POPDC1: variants seen among roughly 807,000 people sequenced by gnomAD.
The protein encoded by POPDC1 is popeye domain-containing protein 1.
the POPDC1 span, among the ~76,000 whole-genome samples, chr6:105,105,996 G>C: frequency 5.8e-4 from 88 of 152,184 alleles, no homozygotes; most frequent in Middle Eastern, 3.4e-3. Context: ...TTGATTCTTA[G>C]TTTTCTATTA....
At chr6:105,103,012 G>C in the POPDC1 span, among the ~76,000 whole-genome samples, 1 of 152,252 alleles carries the variant, frequency 6.6e-6, no homozygotes, top group Admixed American at 6.5e-5. Flanking sequence ...ACAGGGCACA[G>C]CATGGGAAGT....
chr6:105,119,654 G>A, the POPDC1 span, among the ~76,000 whole-genome samples: 4 of 152,184 alleles, frequency 2.6e-5, no homozygotes, highest in African/African-American at 9.7e-5. Flanking sequence ...GTGCAAAGAT[G>A]TCACCCAGGA....
At chr6:105,127,967 C>T in the POPDC1 span, among the ~76,000 whole-genome samples, 1 of 152,198 alleles carries the variant, frequency 6.6e-6, no homozygotes, top group Non-Finnish European at 1.5e-5. Context: ...GCCATGTTGG[C>T]CAGACTGGTC....
chr6:105,104,187 A>C, the POPDC1 span, among the ~76,000 whole-genome samples: 1 of 151,678 alleles, frequency 6.6e-6, no homozygotes. Context: ...ATCTCTAACC[A>C]CCAAATTCCC....
the POPDC1 span, among the ~76,000 whole-genome samples, chr6:105,102,505 G>A: frequency 6.6e-6 from 1 of 152,308 alleles, no homozygotes; most frequent in Admixed American, 6.5e-5. Context: ...CCTGGCCCCT[G>A]GTATGGCACA....
chr6:105,133,586 T>G, the POPDC1 span: 2 of 1,563,876 alleles, frequency 1.3e-6, no homozygotes. Context: ...ATTTTGAAAA[T>G]TCCTGTAAAA....
At chr6:105,114,740 T>C in the POPDC1 span, among the ~76,000 whole-genome samples, 7 of 152,360 alleles carry the variant, frequency 4.6e-5, no homozygotes, top group Admixed American at 3.9e-4. Flanking sequence ...GTTATTTGTG[T>C]TACTTAAAAT....
chr6:105,120,766 CAT>C, the POPDC1 span, among the ~76,000 whole-genome samples: 1 of 152,214 alleles, frequency 6.6e-6, no homozygotes, highest in African/African-American at 2.4e-5. Context: ...GGATCTGCCA[CAT>C]GTGCTAGAAT....
At chr6:105,109,864 G>A in the POPDC1 span, among the ~76,000 whole-genome samples, 2 of 151,192 alleles carry the variant, frequency 1.3e-5, no homozygotes, top group Non-Finnish European at 2.9e-5. Flanking sequence ...TGTTCCTTGG[G>A]AGCAGGACTA....
chr6:105,132,785 T>G, the POPDC1 span, among the ~76,000 whole-genome samples: 1 of 152,264 alleles, frequency 6.6e-6, no homozygotes, highest in African/African-American at 2.4e-5. Context: ...TTGTTTTATT[T>G]GAACTACTGT....
the POPDC1 span, among the ~76,000 whole-genome samples, chr6:105,108,899 C>T: frequency 6.6e-6 from 1 of 152,140 alleles, no homozygotes; most frequent in African/African-American, 2.4e-5. Flanking sequence ...GTAAGAGACC[C>T]ACAACAGTTT....
At chr6:105,097,529 T>C in the POPDC1 span, 1 of 152,252 alleles carries the variant, frequency 6.6e-6, no homozygotes, top group South Asian at 2.1e-4. Flanking sequence ...AAACTTTCTC[T>C]GGAGTGCCAA....
the POPDC1 span, among the ~76,000 whole-genome samples, chr6:105,104,700 G>C: frequency 1.3e-5 from 2 of 152,118 alleles, no homozygotes; most frequent in African/African-American, 4.8e-5. Flanking sequence ...GAATTGATTC[G>C]ACACTGCTTA....
At chr6:105,124,856 G>C in the POPDC1 span, among the ~76,000 whole-genome samples, 1 of 152,140 alleles carries the variant, frequency 6.6e-6, no homozygotes, top group East Asian at 1.9e-4. Flanking sequence ...ACAGTGTCCA[G>C]TATTGAGCCA....
chr6:105,114,266 A>G, the POPDC1 span, among the ~76,000 whole-genome samples: 3,512 of 152,340 alleles, frequency 0.023, 58 homozygotes, highest in Middle Eastern at 0.041. Context: ...ATGAGCTTTT[A>G]ACACAAACTC....
the POPDC1 span, among the ~76,000 whole-genome samples, chr6:105,103,865 G>C: frequency 2.8e-3 from 425 of 152,264 alleles, 1 homozygote; most frequent in African/African-American, 9.5e-3. Context: ...AAAATGAAGG[G>C]AGGACTCAAC....
the POPDC1 span, among the ~76,000 whole-genome samples, chr6:105,129,225 C>T: frequency 3.0e-5 from 1 of 32,832 alleles, no homozygotes; most frequent in Non-Finnish European, 1.6e-4. Context: ...AAATGTTTCA[C>T]TTTCAGGCAT....
chr6:105,102,371 G>A, the POPDC1 span, among the ~76,000 whole-genome samples: 2 of 152,216 alleles, frequency 1.3e-5, no homozygotes, highest in Non-Finnish European at 2.9e-5. Flanking sequence ...CCAGCACAGG[G>A]AGAATGCCAC....
At chr6:105,118,530 G>C in the POPDC1 span, among the ~76,000 whole-genome samples, 1 of 152,162 alleles carries the variant, frequency 6.6e-6, no homozygotes, top group Non-Finnish European at 1.5e-5. Context: ...AAGGTATGAA[G>C]TTACAATGGT....
Sources: allele counts gnomAD v4.1 joint callset (sites outside exome capture counted in the v4.1 genomes callset), GRCh38; gene constraint gnomAD v4.1.1; transcripts MANE v1.5; gene names NCBI Gene and HGNC (gene_info 2026-07-23, HGNC 2026-07-21).